The following RAD23B variants were observed in gnomAD, a reference collection of about 807,000 sequenced individuals.
The protein encoded by RAD23B is RAD23 nucleotide excision repair protein B, also known as lysine-specific demethylase RAD23B.
In RAD23B, 5 loss-of-function variants were observed where a neutral mutation model predicts 49.1. That is an observed-to-expected ratio of 0.10 (90% CI 0.05 to 0.21). The LOEUF (loss-of-function observed/expected upper bound fraction) is 0.21. Ranked by LOEUF, RAD23B falls within the 10% of genes least tolerant of loss-of-function variation. RAD23B has a pLI of 1.00. For synonymous variants in RAD23B, 184 were observed against 165.4 expected, an observed-to-expected ratio of 1.11 and a Z score of -0.86; for missense variants, 356 against 486.7, an observed-to-expected ratio of 0.73 and a Z score of 2.53.
chr9:107,293,810 G>A (rs1833432627), intron 1 of RAD23B, among the ~76,000 whole-genome samples: 1 of 152,188 alleles, frequency 6.6e-6, no homozygotes, highest in African/African-American at 2.4e-5. Context: ...AAGAGACAGA[G>A]TCTTGCTCTG....
rs14705 is a variant in RAD23B, at chr9:107,332,086, A to T, written c.*2430A>T. 1.4e-4 allele frequency: 34 copies of T among 250,618 alleles called. No homozygotes were observed. The highest frequency in any genetic ancestry group is 5.6e-4 in the African/African-American group (25 of 45,008). The allele number at this position is 250,618 out of a possible 1,614,324, so 15.5% of individuals were successfully genotyped here. ...ATTTCTTATGCCATCCTCTAGTCAA[A>T]TTTTTTTTCATTGTTTAAAAATACG... On this transcript the variant is annotated 3_prime_UTR_variant, in exon 10 of 10. Transcript: ENST00000358015.
At chr9:107,327,848 C>G (rs1340252377) in intron 9 of RAD23B, among the ~76,000 whole-genome samples, 2 of 152,084 alleles carry the variant, frequency 1.3e-5, no homozygotes, top group Non-Finnish European at 2.9e-5. Flanking sequence ...TTGCCAATTT[C>G]TACCTTTAAT....
rs1833197630 is a variant in RAD23B, at chr9:107,283,459, G to A, written c.-171G>A. On this transcript the variant is annotated 5_prime_UTR_variant, in exon 1 of 10. Coordinates refer to ENST00000358015, the MANE Select transcript of RAD23B (RefSeq NM_002874.5). ...AGGCAGCGGCGCGGTCCGGGGCACG[G>A]GCTGGGGGAGAGGCCGCTCCGCTGG... is the stretch of plus-strand genomic sequence containing the variant. 6.3e-6 allele frequency: 3 copies of A among 478,490 alleles called. No homozygotes were observed. The highest frequency in any genetic ancestry group is 7.1e-6 in the Non-Finnish European group (2 of 281,684). The allele number at this position is 478,490 out of a possible 1,614,324, so 29.6% of individuals were successfully genotyped here.
rs1347494271 is a variant in RAD23B at position 107,331,736 on chromosome 9, C to T, written c.*2080C>T. ...CTTGGAAAGTGACAGCAGAAGGTGG[C>T]ATGGAGCTTGTGTCCTTGGACAACA... On this transcript the variant is annotated 3_prime_UTR_variant, in exon 10 of 10. Transcript: ENST00000358015. 1.3e-6 allele frequency: 1 copy of T among 775,990 alleles called. No homozygotes were observed. Among genetic ancestry groups the T allele is most frequent in the African/African-American group, 1.7e-5 (1 of 58,586 alleles). 48.1% of individuals were successfully genotyped at this position (775,990 alleles called of 1,614,324 possible).
At chr9:107,284,747 A>C in intron 1 of RAD23B, 1 of 1,114,820 alleles carries the variant, frequency 9.0e-7, no homozygotes, top group African/African-American at 1.6e-5. Flanking sequence ...TTTTAAAAGT[A>C]GTTGATTCTA....
intron 4 of RAD23B, among the ~76,000 whole-genome samples, chr9:107,309,910 G>A (rs1587856724): frequency 7.6e-6 from 1 of 131,326 alleles, no homozygotes; most frequent in African/African-American, 2.9e-5. Flanking sequence ...CAGCCTGGGC[G>A]ACAGAGTGAG....
intron 5 of RAD23B, among the ~76,000 whole-genome samples, chr9:107,313,455 G>A (rs928910167): frequency 5.3e-5 from 8 of 152,166 alleles, no homozygotes; most frequent in Admixed American, 3.9e-4. Flanking sequence ...TCAATCTCCT[G>A]ACCTTGTGAT....
Position 107,329,837 on chromosome 9 carries a change from A to T in RAD23B, c.*181A>T, listed in dbSNP as rs973620168. Reference sequence around the variant, plus strand: ...GATAAATACAGTGCATGTCTGCTTCAATTAGCAGATGCCGCAACTCCACAC... The same window carrying T: ...GATAAATACAGTGCATGTCTGCTTCTATTAGCAGATGCCGCAACTCCACAC... On this transcript the variant is annotated 3_prime_UTR_variant, in exon 10 of 10. Coordinates refer to ENST00000358015, the MANE Select transcript of RAD23B (RefSeq NM_002874.5). The T allele has an allele frequency of 1.8e-5, 7 of 399,364 alleles. No homozygotes were observed. The highest frequency in any genetic ancestry group is 1.4e-4 in the African/African-American group (7 of 49,112). 24.7% of individuals were successfully genotyped at this position (399,364 alleles called of 1,614,324 possible). A position where few individuals can be genotyped will look rare whatever the true frequency, so the allele number is the denominator to read the frequency against.
At chr9:107,291,579 G>A (rs1833385851) in intron 1 of RAD23B, among the ~76,000 whole-genome samples, 1 of 152,146 alleles carries the variant, frequency 6.6e-6, no homozygotes, top group Non-Finnish European at 1.5e-5. Context: ...GGTCCAGTGA[G>A]GAGATTTTTC....
chr9:107,318,968 C>T lies in RAD23B; in HGVS notation c.681+89C>T. The stretch of plus-strand genomic sequence containing the variant: ...TTTTAAAGGACCAGTTCACTTGTCA[C>T]TGATATATGCTAGATGATATACATA... On this transcript the variant is annotated intron_variant, in intron 6 of 9. Coordinates refer to ENST00000358015, the MANE Select transcript of RAD23B (RefSeq NM_002874.5). The surrounding 1 kb of genome is among the most constrained non-coding windows in gnomAD (Gnocchi z 4.3). The T allele has an allele frequency of 7.7e-7, 1 of 1,307,116 alleles. No individual in the cohort carries two copies. The highest frequency in any genetic ancestry group is 1.1e-6 in the Non-Finnish European group (1 of 949,016). The allele number at this position is 1,307,116 out of a possible 1,614,324, so 81.0% of individuals were successfully genotyped here. A position where few individuals can be genotyped will look rare whatever the true frequency, so the allele number is the denominator to read the frequency against.
chr9:107,312,218 A>G (rs1826901898), intron 5 of RAD23B, among the ~76,000 whole-genome samples: 1 of 152,184 alleles, frequency 6.6e-6, no homozygotes, highest in Non-Finnish European at 1.5e-5. Flanking sequence ...CCTACTGAAT[A>G]ATGCCTTTCC....
intron 3 of RAD23B, 79 bp downstream of exon 3, chr9:107,302,193 A>G (rs1826669276): frequency 1.9e-6 from 3 of 1,593,164 alleles, no homozygotes; most frequent in South Asian, 1.1e-5. Context: ...CACACAATGG[A>G]CACAGTTTAT....
At chr9:107,314,371 AGT>A (rs1826949353) in intron 5 of RAD23B, among the ~76,000 whole-genome samples, 1 of 152,098 alleles carries the variant, frequency 6.6e-6, no homozygotes, top group African/African-American at 2.4e-5. Context: ...TGTAGTTTCC[AGT>A]GTCTGTTATT....
At position 107,325,021 on chromosome 9, in the gene RAD23B, C is replaced by G. The variant is rs774937826; in HGVS notation, c.1116+17C>G. The G allele has an allele frequency of 1.2e-6, 2 of 1,607,396 alleles. No individual in the cohort carries two copies. The highest frequency in any genetic ancestry group is 1.7e-6 in the Non-Finnish European group (2 of 1,175,880). ...ATAGAAAGGGTGAGTTTAAGTAAAACTTTAAAAAAATTAGTTCTTGGCTGG... is the reference window on the plus strand; with the variant it reads ...ATAGAAAGGGTGAGTTTAAGTAAAAGTTTAAAAAAATTAGTTCTTGGCTGG... On this transcript the variant is annotated intron_variant, in intron 9 of 9. Coordinates refer to ENST00000358015, the MANE Select transcript of RAD23B (RefSeq NM_002874.5).
chr9:107,312,291 C>G (rs1462849834), intron 5 of RAD23B, among the ~76,000 whole-genome samples: 1 of 152,186 alleles, frequency 6.6e-6, no homozygotes, highest in Non-Finnish European at 1.5e-5. Flanking sequence ...TGTAGCATCT[C>G]TGATACAGTT....
At chr9:107,310,124 A>G (rs1032716588) in intron 4 of RAD23B, among the ~76,000 whole-genome samples, 2 of 152,188 alleles carry the variant, frequency 1.3e-5, no homozygotes, top group Non-Finnish European at 2.9e-5. Context: ...AACTTAATAT[A>G]AAGGTACAGT....
chr9:107,308,217 CA>C (rs1350742626), intron 4 of RAD23B, among the ~76,000 whole-genome samples: 4 of 83,232 alleles, frequency 4.8e-5, no homozygotes, highest in Non-Finnish European at 6.2e-5. Flanking sequence ...TCATTAACTC[CA>C]TTTTTTTTTT....
intron 7 of RAD23B, among the ~76,000 whole-genome samples, chr9:107,323,069 A>G (rs1452969508): frequency 6.6e-6 from 1 of 152,226 alleles, no homozygotes. Context: ...ATACATCTAA[A>G]AATTCTCTTT....
chr9:107,309,954 A>G (rs1826858895), intron 4 of RAD23B, among the ~76,000 whole-genome samples: 1 of 147,148 alleles, frequency 6.8e-6, no homozygotes, highest in South Asian at 2.2e-4. Context: ...AAAAAAACCA[A>G]TGTGTGATAA....
Sources: allele counts gnomAD v4.1 joint callset (sites outside exome capture counted in the v4.1 genomes callset), GRCh38; gene constraint gnomAD v4.1.1; non-coding constraint Gnocchi (gnomAD v3.1); transcripts MANE v1.5; gene names NCBI Gene and HGNC (gene_info 2026-07-23, HGNC 2026-07-21).